Variants in ACSM3 observed in about 807,000 individuals in gnomAD.
ACSM3 encodes the protein acyl-coenzyme A synthetase ACSM3, mitochondrial.
In ACSM3, 61 loss-of-function variants were observed where a neutral mutation model predicts 74.1. That is an observed-to-expected ratio of 0.82 (90% CI 0.67 to 1.02). ACSM3 has a LOEUF of 1.02. Among genes scored for constraint, ACSM3 ranks in the 50% least tolerant of loss-of-function variants. The probability of loss-of-function intolerance (pLI) is 0.00; values close to 1 mark genes in which losing one functional copy is unlikely to be tolerated. For missense variants in ACSM3, 660 were observed against 697.0 expected (o/e 0.95, Z 0.60); for synonymous variants, 213 against 241.5 (o/e 0.88, Z 1.09).
intron 2 of ACSM3, among the ~76,000 whole-genome samples, chr16:20,771,559 CAG>C (rs1262794234): frequency 6.6e-6 from 1 of 151,996 alleles, no homozygotes; most frequent in Non-Finnish European, 1.5e-5. Flanking sequence ...CCACAAATAA[CAG>C]AATTTCATTC....
rs1397795042 is a variant in ACSM3, at chr16:20,682,386, C to T, written c.-190+7564C>T. The T allele has an allele frequency of 4.3e-6, 7 of 1,613,888 alleles. No individual in the cohort carries two copies. In the East Asian group the frequency reaches 8.9e-5, roughly 21 times the overall value. On this transcript the variant is annotated intron_variant, in intron 1 of 3. Coordinates refer to the ACSM3 transcript ENST00000561584. The stretch of plus-strand genomic sequence containing the variant: ...GCAAGGGCATCTATGGTCACAATGC[C>T]CTTGGCTTTAGACAACTGTAGTCGA...
At chr16:20,679,687 A>C (rs1322052866) in intron 1 of ACSM3, 1 of 152,210 alleles carries the variant, frequency 6.6e-6, no homozygotes, top group Non-Finnish European at 1.5e-5. Flanking sequence ...TACCATAGTT[A>C]AAACTCTACT....
At chr16:20,690,162 T>C (rs930326720) in intron 1 of ACSM3, among the ~76,000 whole-genome samples, 4 of 152,210 alleles carry the variant, frequency 2.6e-5, no homozygotes, top group Non-Finnish European at 5.9e-5. Flanking sequence ...TAGTAATACA[T>C]GAATACATAT....
chr16:20,746,009 C>T (rs1002749070), intron 1 of ACSM3, among the ~76,000 whole-genome samples: 6 of 152,180 alleles, frequency 3.9e-5, no homozygotes, highest in Admixed American at 6.5e-5. Flanking sequence ...GTATCAAGTA[C>T]GATTAAAAGC....
intron 1 of ACSM3, among the ~76,000 whole-genome samples, chr16:20,732,191 G>T (rs1178884572): frequency 1.3e-5 from 2 of 152,048 alleles, no homozygotes; most frequent in Non-Finnish European, 2.9e-5. Context: ...ATCAAATAAG[G>T]ATTTAAGAAA....
intron 1 of ACSM3, chr16:20,738,309 A>G: frequency 2.7e-6 from 1 of 369,206 alleles, no homozygotes; most frequent in Non-Finnish European, 5.3e-6. Flanking sequence ...ACACTTTTTT[A>G]CAAAAAAAAA....
intron 2 of ACSM3, among the ~76,000 whole-genome samples, chr16:20,772,666 T>C (rs1449575809): frequency 6.6e-6 from 1 of 152,204 alleles, no homozygotes; most frequent in Non-Finnish European, 1.5e-5. Flanking sequence ...ATCTGTTGAA[T>C]GTAAATGTGT....
At chr16:20,737,304 A>T in intron 1 of ACSM3, 1 of 1,592,060 alleles carries the variant, frequency 6.3e-7, no homozygotes, top group South Asian at 1.1e-5. Context: ...AAAAACAGAA[A>T]AACACATAGC....
At chr16:20,794,394 T>C (rs1028832504) in intron 12 of ACSM3, among the ~76,000 whole-genome samples, 1 of 152,200 alleles carries the variant, frequency 6.6e-6, no homozygotes, top group Non-Finnish European at 1.5e-5. Context: ...GTGATGGAAA[T>C]GTTCTATATT....
At position 20,790,733 on chromosome 16, in the gene ACSM3, G is replaced by C. The variant is rs376251336; in HGVS notation, c.1326+45G>C. 4 of 1,613,816 alleles carry C rather than the reference G, an allele frequency of 2.5e-6. No individual in the cohort carries two copies. The highest frequency in any genetic ancestry group is 3.4e-6 in the Non-Finnish European group (4 of 1,179,814). On this transcript the variant is annotated intron_variant, in intron 10 of 13. Coordinates refer to ENST00000289416, the MANE Select transcript of ACSM3 (RefSeq NM_005622.4). The surrounding 1 kb of genome is among the most constrained non-coding windows in gnomAD (Gnocchi z 4.0). ...ATCTCATTTTCTATTTATTTCTCAA[G>C]TGCTTGGTAACAATCCCTGTTTGCC...
chr16:20,765,055 G>C (rs747798942), intron 1 of ACSM3, among the ~76,000 whole-genome samples: 4 of 152,182 alleles, frequency 2.6e-5, no homozygotes, highest in Non-Finnish European at 5.9e-5. Context: ...GATGTTTAGG[G>C]AGCTGTGGGG....
intron 1 of ACSM3, among the ~76,000 whole-genome samples, chr16:20,708,661 G>C (rs1349944917): frequency 6.6e-6 from 1 of 152,164 alleles, no homozygotes; most frequent in African/African-American, 2.4e-5. Flanking sequence ...TGGATTGAAA[G>C]AATTAATATT....
rs2079593802 is a variant in ACSM3, at chr16:20,688,482, AG to A, written c.-190+13662del. On this transcript the variant is annotated intron_variant, in intron 1 of 3. Transcript: ENST00000561584. ...ATAAACCTCAAGTAGAATAAATCCA[AG>A]GAGGACCAATATCAAGACACATTAT... 2.0e-5 allele frequency among the ~76,000 whole-genome samples: 3 copies of A among 152,276 alleles called. No individual in the cohort carries two copies. In the South Asian group the frequency reaches 6.2e-4, roughly 32 times the overall value.
At chr16:20,679,240 CCAA>C (rs1369751209) in intron 1 of ACSM3, 1 of 152,218 alleles carries the variant, frequency 6.6e-6, no homozygotes, top group Non-Finnish European at 1.5e-5. Context: ...AGTGGATTAA[CCAA>C]CAAGACCCTG....
At position 20,786,111 on chromosome 16, in the gene ACSM3, A is replaced by G; in HGVS notation, c.1177A>G (p.Ile393Val). 6.2e-7 allele frequency: 1 copy of G among 1,603,334 alleles called. No homozygotes were observed. Among genetic ancestry groups the G allele is most frequent in the Non-Finnish European group, 8.5e-7 (1 of 1,176,096 alleles). ...LICGNFKGMK[I>V]KPGSMGKPSP... Reference sequence around the variant, plus strand: ...CTGTGGAAATTTTAAGGGAATGAAAATTAAACCTGGCTCAATGGGAAAACC... The same window carrying G: ...CTGTGGAAATTTTAAGGGAATGAAAGTTAAACCTGGCTCAATGGGAAAACC... The change falls in exon 9 of 14, where the codon ATT becomes GTT. Residue 393 changes from isoleucine to valine, a missense_variant. Physicochemically the swap from Ile to Val is conservative, Grantham distance 29 (BLOSUM62 3). Transcript: ENST00000289416.
At chr16:20,742,714 C>T (rs1022065592) in intron 1 of ACSM3, among the ~76,000 whole-genome samples, 1 of 150,644 alleles carries the variant, frequency 6.6e-6, no homozygotes, top group African/African-American at 2.4e-5. Context: ...CCTCTGTGCA[C>T]GGACAAGTGG....
At chr16:20,729,362 G>C in intron 1 of ACSM3, 2 of 1,414,228 alleles carry the variant, frequency 1.4e-6, no homozygotes, top group South Asian at 2.3e-5. Flanking sequence ...CTCTGGGTTT[G>C]TAGATTTGCC....
intron 1 of ACSM3, chr16:20,737,999 C>A: frequency 6.5e-7 from 1 of 1,543,306 alleles, no homozygotes; most frequent in Non-Finnish European, 8.7e-7. Context: ...TCTCAGACAT[C>A]TTAAAGATCG....
At chr16:20,784,170 T>A (rs894329132) in intron 7 of ACSM3, among the ~76,000 whole-genome samples, 12 of 152,226 alleles carry the variant, frequency 7.9e-5, no homozygotes, top group Admixed American at 4.6e-4. Flanking sequence ...CCTTGCTTTT[T>A]TCCTCTAACA....
Sources: gnomAD v4.1 joint callset for allele counts (sites outside exome capture counted in the v4.1 genomes callset) on GRCh38, gnomAD v4.1.1 for gene constraint, Gnocchi (gnomAD v3.1) non-coding constraint, MANE v1.5 for transcripts, NCBI Gene and HGNC (gene_info 2026-07-23, HGNC 2026-07-21) for gene names.